The following REEP3 variants were observed in gnomAD, a reference collection of about 807,000 sequenced individuals.
REEP3 encodes receptor accessory protein 3.
REEP3 carries 20 observed loss-of-function variants against 41.3 expected under a neutral mutation model. The ratio of observed to expected loss-of-function variants is 0.48; its 90% confidence interval spans 0.34 to 0.70. REEP3 has a LOEUF of 0.70. Among genes scored for constraint, REEP3 ranks in the 30% least tolerant of loss-of-function variants. The probability of loss-of-function intolerance (pLI) is 0.01; values close to 1 mark genes in which losing one functional copy is unlikely to be tolerated. For synonymous variants in REEP3, 104 were observed against 101.8 expected, an observed-to-expected ratio of 1.02 and a Z score of -0.13; for missense variants, 271 against 308.8, an observed-to-expected ratio of 0.88 and a Z score of 0.92.
intron 5 of REEP3, among the ~76,000 whole-genome samples, chr10:63,604,979 A>G (rs1193300053): frequency 6.6e-6 from 1 of 152,180 alleles, no homozygotes; most frequent in Non-Finnish European, 1.5e-5. Context: ...TTAGGTTGTC[A>G]CCACTGAGAG....
intron 2 of REEP3, among the ~76,000 whole-genome samples, chr10:63,579,366 C>T (rs1297302348): frequency 6.6e-6 from 1 of 152,098 alleles, no homozygotes; most frequent in East Asian, 1.9e-4. Flanking sequence ...TTCTGATCAC[C>T]TGGGGATTAT....
chr10:63,546,996 A>C, intron 1 of REEP3, among the ~76,000 whole-genome samples: 1 of 141,514 alleles, frequency 7.1e-6, no homozygotes, highest in South Asian at 2.2e-4. Flanking sequence ...ATCTCAGCTC[A>C]CTACAACCTC....
rs1332918418 is a variant in REEP3 at position 63,624,362 on chromosome 10, TA to T, written c.*3494del. 1.3e-5 allele frequency: 2 copies of T among 152,164 alleles called. No individual in the cohort carries two copies. Among genetic ancestry groups the T allele is most frequent in the Non-Finnish European group, 2.9e-5 (2 of 67,974 alleles). 9.4% of individuals were successfully genotyped at this position (152,164 alleles called of 1,614,324 possible). A position where few individuals can be genotyped will look rare whatever the true frequency, so the allele number is the denominator to read the frequency against. ...TTTTGTAGTATGCTACAGATTTAAT[TA>T]TATTAACTCTTTTTTAAGACATTGA... is the stretch of plus-strand genomic sequence containing the variant. On this transcript the variant is annotated 3_prime_UTR_variant, in exon 8 of 8. Coordinates refer to ENST00000373758, the MANE Select transcript of REEP3 (RefSeq NM_001001330.3).
At chr10:63,554,476 G>A (rs1009152223) in intron 1 of REEP3, among the ~76,000 whole-genome samples, 1 of 152,164 alleles carries the variant, frequency 6.6e-6, no homozygotes, top group African/African-American at 2.4e-5. Flanking sequence ...TCTGCTATGA[G>A]CTATACATTG....
At chr10:63,565,571 G>A (rs986504696) in intron 1 of REEP3, among the ~76,000 whole-genome samples, 5 of 152,168 alleles carry the variant, frequency 3.3e-5, no homozygotes. Flanking sequence ...TTAGAACCCA[G>A]TGATTCTAAC....
intron 6 of REEP3, among the ~76,000 whole-genome samples, chr10:63,614,531 T>A (rs1956298674): frequency 1.3e-5 from 2 of 152,234 alleles, no homozygotes; most frequent in South Asian, 4.1e-4. Context: ...GCCATCTCCC[T>A]CTATGTTCTC....
At chr10:63,607,492 GT>G (rs1956239727) in intron 5 of REEP3, among the ~76,000 whole-genome samples, 1 of 152,192 alleles carries the variant, frequency 6.6e-6, no homozygotes, top group Non-Finnish European at 1.5e-5. Flanking sequence ...AGGTGGTGTA[GT>G]CTATCCATGG....
At chr10:63,537,962 G>A (rs7918124) in intron 1 of REEP3, among the ~76,000 whole-genome samples, 4 of 146,794 alleles carry the variant, frequency 2.7e-5, no homozygotes, top group Admixed American at 1.4e-4. Flanking sequence ...TTCCCCCCCC[G>A]ACCCCCATTG....
At chr10:63,584,671 G>A (rs933973856) in intron 2 of REEP3, among the ~76,000 whole-genome samples, 1 of 151,836 alleles carries the variant, frequency 6.6e-6, no homozygotes, top group Non-Finnish European at 1.5e-5. Flanking sequence ...CCAAATTATT[G>A]GATAAGTTAG....
At chr10:63,524,454 T>C (rs1659278085) in intron 1 of REEP3, among the ~76,000 whole-genome samples, 1 of 152,074 alleles carries the variant, frequency 6.6e-6, no homozygotes, top group South Asian at 2.1e-4. Context: ...TTTTTCTTTT[T>C]TGAGACAGAG....
At chr10:63,599,941 C>T (rs4746244) in intron 5 of REEP3, among the ~76,000 whole-genome samples, 18,876 of 152,146 alleles carry the variant, frequency 0.12, 1,407 homozygotes, top group East Asian at 0.28. Flanking sequence ...AAGAAAATAG[C>T]CTTCTGTGTT....
In REEP3 at chr10:63,622,227, G is replaced by C. The variant is rs369196707; in HGVS notation, c.*1358G>C. 3 of 152,096 alleles carry C rather than the reference G, an allele frequency of 2.0e-5. No individual in the cohort carries two copies. The highest frequency in any genetic ancestry group is 7.2e-5 in the African/African-American group (3 of 41,420). 9.4% of individuals were successfully genotyped at this position (152,096 alleles called of 1,614,324 possible). ...GATGAGAGAGATTCGAGAGGTCTTTGATCTGTCTCCCTTTTAAGAAATGAA... is the reference window on the plus strand; with the variant it reads ...GATGAGAGAGATTCGAGAGGTCTTTCATCTGTCTCCCTTTTAAGAAATGAA... On this transcript the variant is annotated 3_prime_UTR_variant, in exon 8 of 8. Transcript: ENST00000373758.
At chr10:63,607,610 G>A (rs1199310445) in intron 5 of REEP3, among the ~76,000 whole-genome samples, 2 of 152,140 alleles carry the variant, frequency 1.3e-5, no homozygotes, top group African/African-American at 4.8e-5. Context: ...TAACAGTCAA[G>A]AGTAATGAAA....
chr10:63,620,757 T>G, intron 7 of REEP3, 56 bp from the exon 8 acceptor site: 1 of 1,135,414 alleles, frequency 8.8e-7, no homozygotes, highest in Non-Finnish European at 1.3e-6. Context: ...TTAAATCTGA[T>G]GTAATTTTTT....
intron 2 of REEP3, among the ~76,000 whole-genome samples, chr10:63,587,162 G>A (rs1057343379): frequency 1.3e-5 from 2 of 152,154 alleles, no homozygotes; most frequent in African/African-American, 4.8e-5. Flanking sequence ...AATTCACACA[G>A]ACTTCACACT....
chr10:63,563,215 C>T (rs148823686), intron 1 of REEP3, among the ~76,000 whole-genome samples: 1 of 152,272 alleles, frequency 6.6e-6, no homozygotes, highest in African/African-American at 2.4e-5. Context: ...CAAACTAATA[C>T]AGTATGCATG....
chr10:63,565,691 T>C (rs937145119), intron 1 of REEP3, among the ~76,000 whole-genome samples: 12 of 152,204 alleles, frequency 7.9e-5, no homozygotes, highest in Admixed American at 7.9e-4. Context: ...CAATAAGATA[T>C]TGCCTGTGAT....
At chr10:63,582,290 A>G (rs535483883) in intron 2 of REEP3, among the ~76,000 whole-genome samples, 1 of 152,250 alleles carries the variant, frequency 6.6e-6, no homozygotes, top group African/African-American at 2.4e-5. Context: ...GTTACATATC[A>G]AAACCACTGG....
At chr10:63,590,621 A>G (rs905286757) in intron 2 of REEP3, among the ~76,000 whole-genome samples, 1 of 152,168 alleles carries the variant, frequency 6.6e-6, no homozygotes, top group African/African-American at 2.4e-5. Context: ...GCCTCCTATA[A>G]TACAAGCCCC....
Sources: gnomAD v4.1 joint callset for allele counts (sites outside exome capture counted in the v4.1 genomes callset) on GRCh38, gnomAD v4.1.1 for gene constraint, MANE v1.5 for transcripts, NCBI Gene and HGNC (gene_info 2026-07-23, HGNC 2026-07-21) for gene names.